The following MECOM variants were observed in gnomAD, a reference collection of about 807,000 sequenced individuals.
MECOM encodes the protein histone-lysine N-methyltransferase MECOM.
Under a neutral mutation model 116.3 loss-of-function variants are expected in MECOM, and 13 were observed. The observed-to-expected ratio is 0.11, with a 90% CI of 0.07 to 0.18. MECOM has a LOEUF of 0.18. Ranked by LOEUF, MECOM falls within the 10% of genes least tolerant of loss-of-function variation. MECOM has a pLI of 1.00. For synonymous variants in MECOM, 528 were observed against 535.2 expected, an observed-to-expected ratio of 0.99 and a Z score of 0.19; for missense variants, 1,299 against 1,509.0, an observed-to-expected ratio of 0.86 and a Z score of 2.31.
chr3:169,441,452 G>A (rs995182851), intron 1 of MECOM, among the ~76,000 whole-genome samples: 13 of 152,022 alleles, frequency 8.6e-5, no homozygotes, highest in African/African-American at 3.1e-4. Context: ...GTAAGCATAT[G>A]TCCTTTTCAC....
intron 2 of MECOM, among the ~76,000 whole-genome samples, chr3:169,217,417 G>A (rs1751546846): frequency 6.6e-6 from 1 of 152,074 alleles, no homozygotes; most frequent in Admixed American, 6.5e-5. Flanking sequence ...TTTTTAAAAA[G>A]CAAAATATTT....
At chr3:169,316,831 G>T (rs1450555175) in intron 2 of MECOM, among the ~76,000 whole-genome samples, 2 of 152,170 alleles carry the variant, frequency 1.3e-5, no homozygotes, top group Non-Finnish European at 2.9e-5. Flanking sequence ...GGGATTATAG[G>T]CATGAGCCAC....
At chr3:169,612,815 C>T (rs1769449808) in intron 1 of MECOM, among the ~76,000 whole-genome samples, 1 of 152,142 alleles carries the variant, frequency 6.6e-6, no homozygotes, top group South Asian at 2.1e-4. Flanking sequence ...TTTAAATCAC[C>T]ATTAGCACTG....
At chr3:169,353,657 T>A (rs1007506353) in intron 2 of MECOM, among the ~76,000 whole-genome samples, 4 of 151,778 alleles carry the variant, frequency 2.6e-5, no homozygotes, top group Non-Finnish European at 5.9e-5. Context: ...GAGAGGGAAA[T>A]AATTTTAAAA....
chr3:169,146,759 G>A, intron 2 of MECOM: 1 of 1,181,822 alleles, frequency 8.5e-7, no homozygotes, highest in Non-Finnish European at 1.1e-6. Context: ...GCAATAATAG[G>A]CATTCACAGA....
At chr3:169,435,292 C>T (rs1203812155) in intron 1 of MECOM, among the ~76,000 whole-genome samples, 7 of 152,116 alleles carry the variant, frequency 4.6e-5, no homozygotes, top group African/African-American at 1.4e-4. Flanking sequence ...CATTTGTTCC[C>T]GTGACAATAT....
chr3:169,300,846 T>TGG (rs1040096913), intron 2 of MECOM, among the ~76,000 whole-genome samples: 3 of 152,206 alleles, frequency 2.0e-5, no homozygotes, highest in African/African-American at 7.2e-5. Context: ...TCACTGTACT[T>TGG]CTATACTGGA....
intron 1 of MECOM, among the ~76,000 whole-genome samples, chr3:169,558,023 G>C (rs569913708): frequency 1.3e-5 from 2 of 152,094 alleles, no homozygotes; most frequent in Non-Finnish European, 2.9e-5. Context: ...TCAATAACAG[G>C]ATTTTTTAAA....
At chr3:169,235,535 TA>T (rs1753929529) in intron 2 of MECOM, among the ~76,000 whole-genome samples, 1 of 151,044 alleles carries the variant, frequency 6.6e-6, no homozygotes, top group South Asian at 2.1e-4. Flanking sequence ...TCCTGAAAAA[TA>T]AAAAAGGAGG....
At chr3:169,200,336 T>A (rs1414626884) in intron 2 of MECOM, among the ~76,000 whole-genome samples, 1 of 152,122 alleles carries the variant, frequency 6.6e-6, no homozygotes, top group Non-Finnish European at 1.5e-5. Flanking sequence ...TCTTTCAAAG[T>A]CACTTTTCGT....
intron 1 of MECOM, among the ~76,000 whole-genome samples, chr3:169,502,010 C>T (rs1489879765): frequency 6.6e-6 from 1 of 152,048 alleles, no homozygotes; most frequent in East Asian, 1.9e-4. Flanking sequence ...CTTTATTTAG[C>T]ATCACCACAT....
rs979185293 is a variant in MECOM, at chr3:169,584,519, G to C, written c.37+78817C>G. 1.7e-4 allele frequency among the ~76,000 whole-genome samples: 26 copies of C among 149,820 alleles called. 1 individual carries two copies. The highest frequency in any genetic ancestry group is 3.2e-4 in the African/African-American group (13 of 40,476). On this transcript the variant is annotated intron_variant, in intron 1 of 16. Coordinates refer to ENST00000651503, the MANE Select transcript of MECOM (RefSeq NM_004991.4). Reference sequence around the variant, plus strand: ...GGTGGAGCTTGCAGTGAGCAGAGATGGCGCCGCTGCACTCCAGCCTGGGCG... The same window carrying C: ...GGTGGAGCTTGCAGTGAGCAGAGATCGCGCCGCTGCACTCCAGCCTGGGCG...
chr3:169,379,334 T>C (rs999479836), intron 2 of MECOM, among the ~76,000 whole-genome samples: 1 of 151,966 alleles, frequency 6.6e-6, no homozygotes, highest in Admixed American at 6.6e-5. Context: ...AGCTACTGAA[T>C]TGGCCATCAA....
At chr3:169,354,980 A>T (rs1179062830) in intron 2 of MECOM, among the ~76,000 whole-genome samples, 1 of 151,914 alleles carries the variant, frequency 6.6e-6, no homozygotes, top group Non-Finnish European at 1.5e-5. Context: ...TTTTATTGAC[A>T]CAATGAAGAG....
intron 1 of MECOM, among the ~76,000 whole-genome samples, chr3:169,548,414 A>G (rs535462103): frequency 6.6e-6 from 1 of 152,320 alleles, no homozygotes; most frequent in Non-Finnish European, 1.5e-5. Context: ...CAGCAGTCAT[A>G]ATTGGTTGGC....
chr3:169,273,464 G>A (rs1759193219), intron 2 of MECOM, among the ~76,000 whole-genome samples: 1 of 152,102 alleles, frequency 6.6e-6, no homozygotes, highest in Non-Finnish European at 1.5e-5. Flanking sequence ...ATATAACCAG[G>A]AAGAGAAAAG....
intron 2 of MECOM, among the ~76,000 whole-genome samples, chr3:169,355,842 T>C (rs1019708109): frequency 7.2e-5 from 11 of 151,772 alleles, no homozygotes; most frequent in East Asian, 1.9e-4. Context: ...CTTTTTTTTT[T>C]CCAATTTTAT....
In MECOM at chr3:169,116,026, C is replaced by A; in HGVS notation, c.1846G>T (p.Gly616Cys). 6.2e-7 allele frequency: 1 copy of A among 1,614,014 alleles called. No homozygotes were observed. The highest frequency in any genetic ancestry group is 8.5e-7 in the Non-Finnish European group (1 of 1,179,996). The change falls in exon 8 of 17, where the codon GGT becomes TGT. Residue 616 changes from glycine (G) to cysteine (C), a missense_variant. By Grantham distance (159) the Gly-to-Cys change is radical. This residue lies in a region of MECOM where 238 missense variants were observed against 273.1 expected (regional missense o/e 0.87). Coordinates refer to ENST00000651503, the MANE Select transcript of MECOM (RefSeq NM_004991.4). ...CTTACTTTGTCTTTGAACATTTTACCATTTTCTTTAAATTTCTCTTTATCA... is the reference window on the plus strand; with the variant it reads ...CTTACTTTGTCTTTGAACATTTTACAATTTTCTTTAAATTTCTCTTTATCA... ...ESDKEKFKEN[G>C]KMFKDKVSPL...
intron 1 of MECOM, among the ~76,000 whole-genome samples, chr3:169,656,158 A>G (rs1775521087): frequency 6.6e-6 from 1 of 152,240 alleles, no homozygotes; most frequent in Admixed American, 6.5e-5. Context: ...TGCCATGTAC[A>G]AGCACTTTCA....
Sources: gnomAD v4.1 joint callset for allele counts (sites outside exome capture counted in the v4.1 genomes callset) on GRCh38, gnomAD v4.1.1 for gene constraint, gnomAD v4.1.1 regional missense constraint, MANE v1.5 for transcripts, NCBI Gene and HGNC (gene_info 2026-07-23, HGNC 2026-07-21) for gene names.